HECW2: variants seen among roughly 807,000 people sequenced by gnomAD.
The protein encoded by HECW2 is HECT, C2 and WW domain containing E3 ubiquitin protein ligase 2, also known as E3 ubiquitin-protein ligase HECW2.
In HECW2, 61 loss-of-function variants were observed where a neutral mutation model predicts 175.2. That is an observed-to-expected ratio of 0.35 (90% CI 0.28 to 0.43). The LOEUF (loss-of-function observed/expected upper bound fraction) is 0.43, where lower values mean the gene tolerates loss of function less well. HECW2 is among the 20% of genes least tolerant of loss of function. The probability of loss-of-function intolerance (pLI) is 1.00; values close to 1 mark genes in which losing one functional copy is unlikely to be tolerated. For missense variants in HECW2, 1,524 were observed against 2,000.5 expected, an observed-to-expected ratio of 0.76 and a Z score of 4.54; for synonymous variants, 671 against 731.0, an observed-to-expected ratio of 0.92 and a Z score of 1.32.
chr2:196,586,897 T>C (rs1691002264), intron 1 of HECW2, among the ~76,000 whole-genome samples: 1 of 152,150 alleles, frequency 6.6e-6, no homozygotes, highest in South Asian at 2.1e-4. Context: ...AAGTGAAATA[T>C]CTGCTAGCGT....
chr2:196,495,872 T>C (rs3902848), intron 1 of HECW2, among the ~76,000 whole-genome samples: 21,803 of 152,122 alleles, frequency 0.14, 1,611 homozygotes, highest in Middle Eastern at 0.22. Flanking sequence ...TTGCAGTGTA[T>C]AGTTCATGAT....
chr2:196,497,084 G>A (rs1210724830), intron 1 of HECW2, among the ~76,000 whole-genome samples: 1 of 152,082 alleles, frequency 6.6e-6, no homozygotes, highest in Non-Finnish European at 1.5e-5. Context: ...CCCAAAGGAG[G>A]GAGAAAGGTG....
chr2:196,223,805 C>T (rs751371024), intron 23 of HECW2, among the ~76,000 whole-genome samples: 6 of 151,930 alleles, frequency 3.9e-5, no homozygotes, highest in Non-Finnish European at 7.4e-5. Context: ...AGTAATATGG[C>T]CAAAATAAGA....
chr2:196,392,109 C>T (rs1434907225), intron 2 of HECW2, among the ~76,000 whole-genome samples: 1 of 152,182 alleles, frequency 6.6e-6, no homozygotes. Context: ...ATTCAAAGCA[C>T]TACACATATG....
chr2:196,285,054 C>T (rs1026570889), intron 14 of HECW2, among the ~76,000 whole-genome samples: 1 of 152,198 alleles, frequency 6.6e-6, no homozygotes, highest in Non-Finnish European at 1.5e-5. Flanking sequence ...AACATCTACC[C>T]TTTCACTGCT....
chr2:196,251,673 A>G (rs1688858816), intron 19 of HECW2, among the ~76,000 whole-genome samples: 1 of 152,012 alleles, frequency 6.6e-6, no homozygotes, highest in Non-Finnish European at 1.5e-5. Flanking sequence ...CAAAGTCCTG[A>G]TGTCTCTGCA....
At chr2:196,515,271 C>A (rs1688108180) in intron 1 of HECW2, among the ~76,000 whole-genome samples, 1 of 152,250 alleles carries the variant, frequency 6.6e-6, no homozygotes, top group African/African-American at 2.4e-5. Flanking sequence ...ACACTTCTCG[C>A]TGCTCTGCAC....
chr2:196,399,472 T>C (rs987085312), intron 2 of HECW2, among the ~76,000 whole-genome samples: 1 of 152,200 alleles, frequency 6.6e-6, no homozygotes, highest in Admixed American at 6.5e-5. Context: ...ATTTTAAGGA[T>C]TCCCCAAAAC....
At chr2:196,259,999 C>T (rs1689223561) in intron 17 of HECW2, 1 of 152,136 alleles carries the variant, frequency 6.6e-6, no homozygotes, top group South Asian at 2.1e-4. Flanking sequence ...AGCACTCTCC[C>T]CTCCTTCCTT....
intron 18 of HECW2, among the ~76,000 whole-genome samples, chr2:196,256,885 T>C (rs1479581005): frequency 6.6e-6 from 1 of 152,242 alleles, no homozygotes; most frequent in African/African-American, 2.4e-5. Flanking sequence ...AATATATCCC[T>C]TTGAGTTATG....
At chr2:196,445,014 T>C (rs894635208) in intron 1 of HECW2, among the ~76,000 whole-genome samples, 10 of 152,336 alleles carry the variant, frequency 6.6e-5, no homozygotes, top group Admixed American at 2.0e-4. Flanking sequence ...ACCTGCTCCA[T>C]CTTCAAGACC....
intron 14 of HECW2, chr2:196,288,721 T>A (rs1559013524): frequency 6.6e-6 from 1 of 152,234 alleles, no homozygotes; most frequent in Non-Finnish European, 1.5e-5. Flanking sequence ...CCTCTAAATT[T>A]CAGTAAATTA....
At chr2:196,204,351 T>C (rs1575215041) in intron 28 of HECW2, among the ~76,000 whole-genome samples, 1 of 152,160 alleles carries the variant, frequency 6.6e-6, no homozygotes, top group African/African-American at 2.4e-5. Flanking sequence ...TTTGTTTGTT[T>C]GTTTGTTTTA....
chr2:196,471,165 A>T (rs1340194385), intron 1 of HECW2, among the ~76,000 whole-genome samples: 2 of 152,216 alleles, frequency 1.3e-5, no homozygotes, highest in Admixed American at 1.3e-4. Flanking sequence ...CTAAGAAAAC[A>T]TCAACAAATT....
chr2:196,285,589 T>C (rs987392513), intron 14 of HECW2, among the ~76,000 whole-genome samples: 1 of 152,216 alleles, frequency 6.6e-6, no homozygotes, highest in African/African-American at 2.4e-5. Flanking sequence ...CCCATTCTCT[T>C]CCTTCCAAAT....
chr2:196,223,956 C>T (rs192867290), intron 23 of HECW2, among the ~76,000 whole-genome samples: 31 of 152,256 alleles, frequency 2.0e-4, no homozygotes, highest in African/African-American at 7.0e-4. Flanking sequence ...ACAGGGGTGA[C>T]AAACGAACTC....
At chr2:196,273,154 G>A (rs1689811044) in intron 16 of HECW2, among the ~76,000 whole-genome samples, 1 of 145,664 alleles carries the variant, frequency 6.9e-6, no homozygotes, top group Admixed American at 7.0e-5. Flanking sequence ...TGGAACCTCT[G>A]CCTCCCAGGT....
chr2:196,458,377 G>T (rs1696597343), intron 1 of HECW2, among the ~76,000 whole-genome samples: 1 of 151,888 alleles, frequency 6.6e-6, no homozygotes, highest in Non-Finnish European at 1.5e-5. Flanking sequence ...AAAAGGAAAG[G>T]TCTCATAATG....
At chr2:196,331,092 TC>T in intron 4 of HECW2, 1 of 945,828 alleles carries the variant, frequency 1.1e-6, no homozygotes, top group Non-Finnish European at 1.3e-6. Context: ...CCGCTGTAAC[TC>T]CTGTACCTTA....
Sources: gnomAD v4.1 joint callset for allele counts (sites outside exome capture counted in the v4.1 genomes callset) on GRCh38, gnomAD v4.1.1 for gene constraint, MANE v1.5 for transcripts, NCBI Gene and HGNC (gene_info 2026-07-23, HGNC 2026-07-21) for gene names.